Variants in RANBP2 observed in about 807,000 individuals in gnomAD.
RANBP2 encodes RAN binding protein 2.
RANBP2 carries 57 observed loss-of-function variants against 303.6 expected under a neutral mutation model. The ratio of observed to expected loss-of-function variants is 0.19; its 90% CI spans 0.15 to 0.23. The LOEUF (loss-of-function observed/expected upper bound fraction) is 0.23. Ranked by LOEUF, RANBP2 falls within the 10% of genes least tolerant of loss-of-function variation. RANBP2 has a pLI of 1.00. For synonymous variants in RANBP2, 1,167 were observed against 1,301.5 expected (o/e 0.90, Z 2.23); for missense variants, 3,138 against 3,780.8 (o/e 0.83, Z 4.46).
the RANBP2 span, chr2:109,503,412 T>C: frequency 6.6e-6 from 1 of 152,242 alleles, no homozygotes; most frequent in African/African-American, 2.4e-5. Flanking sequence ...TACTTCCAGG[T>C]GGTCACCACA....
chr2:108,737,331 C>T (rs1296469613), intron 6 of RANBP2, among the ~76,000 whole-genome samples: 3 of 136,240 alleles, frequency 2.2e-5, no homozygotes, highest in Non-Finnish European at 1.5e-5. Context: ...TTCTTTCTTT[C>T]TTTCTTTTTT....
chr2:109,586,643 G>A, the RANBP2 span, among the ~76,000 whole-genome samples: 2 of 152,198 alleles, frequency 1.3e-5, no homozygotes, highest in African/African-American at 4.8e-5. Flanking sequence ...GATCCCAGAA[G>A]GGGGAAAATG....
the RANBP2 span, chr2:109,545,289 G>T: frequency 7.0e-7 from 1 of 1,427,488 alleles, no homozygotes; most frequent in African/African-American, 1.4e-5. Flanking sequence ...TTAAGTGGGA[G>T]AAATAAAACA....
At chr2:108,910,884 C>T in the RANBP2 span, 1 of 1,614,084 alleles carries the variant, frequency 6.2e-7, no homozygotes, top group South Asian at 1.1e-5. Flanking sequence ...CAGCCAGGCT[C>T]TCCGACAGGG....
the RANBP2 span, among the ~76,000 whole-genome samples, chr2:109,200,657 C>G: frequency 6.6e-6 from 1 of 152,260 alleles, no homozygotes; most frequent in East Asian, 1.9e-4. Context: ...CCTACCTGGC[C>G]AAGCTGGAGG....
At chr2:109,035,061 G>A in the RANBP2 span, among the ~76,000 whole-genome samples, 1 of 152,136 alleles carries the variant, frequency 6.6e-6, no homozygotes, top group Non-Finnish European at 1.5e-5. Context: ...GGAGTTACTG[G>A]TTAGATAACC....
the RANBP2 span, among the ~76,000 whole-genome samples, chr2:109,328,176 CTGA>C: frequency 3.9e-5 from 6 of 152,222 alleles, no homozygotes; most frequent in Non-Finnish European, 5.9e-5. Context: ...CAGTAGTTGC[CTGA>C]TATTAGTCCA....
At chr2:109,170,046 T>C in the RANBP2 span, among the ~76,000 whole-genome samples, 6 of 152,216 alleles carry the variant, frequency 3.9e-5, no homozygotes, top group Admixed American at 3.3e-4. Flanking sequence ...TGTTATAGTT[T>C]TGATAATCAT....
chr2:108,814,850 G>A, the RANBP2 span, among the ~76,000 whole-genome samples: 1 of 151,644 alleles, frequency 6.6e-6, no homozygotes. Flanking sequence ...TGGCTAGGCT[G>A]GTTTCAATCT....
chr2:109,616,391 T>G, the RANBP2 span: 2 of 200,954 alleles, frequency 1.0e-5, no homozygotes, highest in Non-Finnish European at 1.1e-5. Context: ...GCTTTAACCA[T>G]TCCTGGATGC....
At chr2:108,975,410 A>G in the RANBP2 span, among the ~76,000 whole-genome samples, 127 of 152,296 alleles carry the variant, frequency 8.3e-4, no homozygotes, top group African/African-American at 2.9e-3. Context: ...AGAGGGCTGG[A>G]GCATGGGCCG....
chr2:109,390,271 A>C, the RANBP2 span, among the ~76,000 whole-genome samples: 2 of 152,286 alleles, frequency 1.3e-5, no homozygotes, highest in East Asian at 1.9e-4. Context: ...TTTTAGGTTC[A>C]TCTTCAGGTA....
the RANBP2 span, among the ~76,000 whole-genome samples, chr2:108,822,549 G>A: frequency 4.1e-4 from 63 of 152,270 alleles, no homozygotes; most frequent in Non-Finnish European, 7.2e-4. Flanking sequence ...TAAACTACGT[G>A]TTTGGCCACA....
the RANBP2 span, among the ~76,000 whole-genome samples, chr2:109,333,428 A>C: frequency 6.6e-6 from 1 of 152,234 alleles, no homozygotes; most frequent in Non-Finnish European, 1.5e-5. Flanking sequence ...AAAATAAAAC[A>C]AGCCTAACCT....
chr2:108,816,872 A>AT, the RANBP2 span, among the ~76,000 whole-genome samples: 1 of 152,064 alleles, frequency 6.6e-6, no homozygotes, highest in Non-Finnish European at 1.5e-5. Context: ...TTTAAAAAAA[A>AT]TTTTTGTAGA....
chr2:108,995,611 T>C, the RANBP2 span, among the ~76,000 whole-genome samples: 1 of 152,206 alleles, frequency 6.6e-6, no homozygotes, highest in South Asian at 2.1e-4. Context: ...ATCTCCCAGC[T>C]CTGCTCAGAG....
chr2:109,501,644 C>T, the RANBP2 span: 1 of 775,298 alleles, frequency 1.3e-6, no homozygotes, highest in South Asian at 1.4e-5. Flanking sequence ...CAGGCCTCTT[C>T]CCGGGCAGCT....
the RANBP2 span, among the ~76,000 whole-genome samples, chr2:109,261,827 A>G: frequency 8.6e-5 from 13 of 151,758 alleles, no homozygotes; most frequent in African/African-American, 2.9e-4. Context: ...CCACCCCTTC[A>G]CTTATAGTAG....
chr2:108,790,198 A>G (rs763918798), downstream of RANBP2, among the ~76,000 whole-genome samples: 7 of 152,206 alleles, frequency 4.6e-5, no homozygotes, highest in Non-Finnish European at 8.8e-5. Context: ...TAGTTGATCT[A>G]GATTTAGGAT....
Sources: allele counts gnomAD v4.1 joint callset (sites outside exome capture counted in the v4.1 genomes callset), GRCh38; gene constraint gnomAD v4.1.1; transcripts MANE v1.5; gene names NCBI Gene and HGNC (gene_info 2026-07-23, HGNC 2026-07-21).